DEPDC4: variants seen among roughly 807,000 people sequenced by gnomAD.
The protein encoded by DEPDC4 is DEP domain containing 4, also known as DEP domain-containing protein 4.
In DEPDC4, 52 loss-of-function variants were observed where a neutral mutation model predicts 52.0. The ratio of observed to expected loss-of-function variants is 1.00; its 90% CI spans 0.80 to 1.26. The LOEUF (loss-of-function observed/expected upper bound fraction) is 1.26, where lower values mean the gene tolerates loss of function less well. Ranked by LOEUF, DEPDC4 falls within the 50% of genes most tolerant of loss-of-function variation. DEPDC4 has a pLI of 0.00. For synonymous variants in DEPDC4, 201 were observed against 196.8 expected, an observed-to-expected ratio of 1.02 and a Z score of -0.18; for missense variants, 530 against 546.9, an observed-to-expected ratio of 0.97 and a Z score of 0.31.
chr12:100,273,700 CA>C, the DEPDC4 span, among the ~76,000 whole-genome samples: 7 of 152,164 alleles, frequency 4.6e-5, no homozygotes, highest in Non-Finnish European at 8.8e-5. Context: ...CATATCTTGG[CA>C]CGTGGTATTA....
At chr12:100,267,261 G>T, upstream of DEPDC4, 2 of 622,118 alleles carry the variant, frequency 3.2e-6, no homozygotes, top group Admixed American at 3.1e-5. Context: ...TTGCGGCCGC[G>T]GGGGCGGCGG....
chr12:100,273,322 A>G, the DEPDC4 span, among the ~76,000 whole-genome samples: 1 of 152,248 alleles, frequency 6.6e-6, no homozygotes, highest in Non-Finnish European at 1.5e-5. Context: ...GTTTTTGGGA[A>G]ACATTCTATT....
chr12:100,252,432 T>C lies in DEPDC4; in HGVS notation c.1210A>G (p.Met404Val), dbSNP rs1347169651. The change falls in exon 6 of 10, where the codon ATG (methionine) becomes GTG (valine). Residue 404 changes from methionine to valine, a missense_variant. Transcript: ENST00000550587. The stretch of plus-strand genomic sequence containing the variant: ...TTGTAGGCATTGGGCTCTGATGCCA[T>C]TGCCATAAAAGTAAGTAGCCGTCGT... ...ELRRLLTFMA[M>V]ASEPNAYKLQ... is the part of the protein sequence containing the mutation. The C allele has an allele frequency of 3.1e-6, 5 of 1,598,046 alleles. No homozygotes were observed. Among genetic ancestry groups the C allele is most frequent in the African/African-American group, 2.7e-5 (2 of 74,980 alleles).
chr12:100,259,636 G>A (rs918690563), intron 3 of DEPDC4, among the ~76,000 whole-genome samples: 11 of 152,268 alleles, frequency 7.2e-5, no homozygotes, highest in African/African-American at 2.4e-4. Context: ...TGGGGGCATA[G>A]GGAAGTATTC....
chr12:100,263,696 T>C lies in DEPDC4; in HGVS notation c.355A>G (p.Lys119Glu), dbSNP rs149010319. The C allele has an allele frequency of 6.2e-7, 1 of 1,614,164 alleles. No individual in the cohort carries two copies. The highest frequency in any genetic ancestry group is 2.2e-5 in the East Asian group (1 of 44,868). Residue 119 changes from lysine to glutamate, a missense_variant, in exon 2 of 10, where the codon AAA becomes GAA. Physicochemically the swap from Lys to Glu is moderately conservative, Grantham distance 56. Coordinates refer to ENST00000550587, the MANE Select transcript of DEPDC4 (RefSeq NM_001364818.2). ...AGAACTTGGCAAAGATGAACCCCTT[T>C]AAGACAAGAGATGTCATTGCTACTT... The part of the protein sequence containing the change: ...CLSSNDISCL[K>E]GVHLCQVLMN...
At chr12:100,249,966 G>A (rs1201834950) in intron 7 of DEPDC4, among the ~76,000 whole-genome samples, 1 of 152,142 alleles carries the variant, frequency 6.6e-6, no homozygotes, top group Non-Finnish European at 1.5e-5. Context: ...AGAGAAAGAG[G>A]CCAGAGTGAA....
At chr12:100,255,614 T>C (rs1336478459) in intron 4 of DEPDC4, among the ~76,000 whole-genome samples, 2 of 152,234 alleles carry the variant, frequency 1.3e-5, no homozygotes, top group Non-Finnish European at 2.9e-5. Flanking sequence ...CAGGGTTCCT[T>C]TAATCTCTTA....
At chr12:100,244,249 C>T (rs1468875739) in intron 8 of DEPDC4, among the ~76,000 whole-genome samples, 2 of 150,922 alleles carry the variant, frequency 1.3e-5, no homozygotes, top group African/African-American at 4.9e-5. Flanking sequence ...GGCGCGATCT[C>T]GGCTCACTGC....
chr12:100,252,547 G>T lies in DEPDC4; in HGVS notation c.1106-11C>A. 6.3e-7 allele frequency: 1 copy of T among 1,575,470 alleles called. No individual in the cohort carries two copies. On this transcript the variant is annotated splice_polypyrimidine_tract_variant and intron_variant, in intron 5 of 9. Transcript: ENST00000550587. ...CTCTTTTCTCATTTTCTGTTATATA[G>T]GTTACAAAGAAAACAAAGCATAAGA...
intron 4 of DEPDC4, 59 bp downstream of exon 4, chr12:100,255,990 G>A: frequency 1.5e-6 from 2 of 1,293,470 alleles, no homozygotes; most frequent in South Asian, 2.8e-5. Context: ...AAAATACTAA[G>A]GGCAAATATG....
intron 7 of DEPDC4, among the ~76,000 whole-genome samples, chr12:100,249,567 T>C (rs192120659): frequency 1.1e-3 from 170 of 152,366 alleles, no homozygotes; most frequent in African/African-American, 4.0e-3. Context: ...CCCAGACTAC[T>C]ATATGTATCT....
intron 8 of DEPDC4, among the ~76,000 whole-genome samples, chr12:100,244,209 C>T (rs148004960): frequency 0.013 from 1,887 of 142,954 alleles, 42 homozygotes; most frequent in African/African-American, 0.051. Flanking sequence ...GAGACAGAGT[C>T]TCTCTCTGTC....
intron 8 of DEPDC4, among the ~76,000 whole-genome samples, chr12:100,246,887 G>A (rs774664648): frequency 9.2e-5 from 14 of 152,048 alleles, no homozygotes; most frequent in East Asian, 1.9e-4. Flanking sequence ...GCAGTGAGCC[G>A]AGATGCGCCA....
upstream of DEPDC4, among the ~76,000 whole-genome samples, chr12:100,272,008 C>T (rs943642860): frequency 1.3e-5 from 2 of 152,052 alleles, no homozygotes; most frequent in Non-Finnish European, 2.9e-5. Context: ...CTACTTTCTG[C>T]CAGGTGCACG....
At position 100,242,516 on chromosome 12, in the gene DEPDC4, T is replaced by C. The variant is rs183169709; in HGVS notation, c.*16A>G. ...GTCAACCTTTTGGTACTTTTTCTCA[T>C]TAAATCTCCAGTATCCTAAGCTGTA... On this transcript the variant is annotated 3_prime_UTR_variant, in exon 9 of 10. Coordinates refer to ENST00000550587, the MANE Select transcript of DEPDC4 (RefSeq NM_001364818.2). 34 of 154,866 alleles carry C rather than the reference T, an allele frequency of 2.2e-4. No homozygotes were observed. The Admixed American group carries it at 2.2e-3, about 10-fold the overall frequency. The allele number at this position is 154,866 out of a possible 1,614,324, so 9.6% of individuals were successfully genotyped here. A position where few individuals can be genotyped will look rare whatever the true frequency, so the allele number is the denominator to read the frequency against.
chr12:100,238,120 T>TAA (rs1350607400), downstream of DEPDC4: 91 of 799,872 alleles, frequency 1.1e-4, no homozygotes, highest in African/African-American at 3.1e-4. Flanking sequence ...CTCCCCAACT[T>TAA]AAAAAAAAAA....
chr12:100,261,859 G>C, intron 3 of DEPDC4: 1 of 451,632 alleles, frequency 2.2e-6, no homozygotes, highest in South Asian at 1.6e-5. Context: ...AAAAATATTA[G>C]TGGTTGCCTA....
chr12:100,254,484 C>T (rs1186232340), intron 4 of DEPDC4, among the ~76,000 whole-genome samples: 2 of 151,796 alleles, frequency 1.3e-5, no homozygotes, highest in Non-Finnish European at 2.9e-5. Context: ...CACCATCACG[C>T]CAGGCTAATT....
At chr12:100,232,194 C>A (rs148992311) in intron 9 of DEPDC4, among the ~76,000 whole-genome samples, 2 of 151,714 alleles carry the variant, frequency 1.3e-5, no homozygotes, top group Non-Finnish European at 2.9e-5. Context: ...GAGTTTGAGA[C>A]CAGCCTGGCC....
Sources: gnomAD v4.1 joint callset for allele counts (sites outside exome capture counted in the v4.1 genomes callset) on GRCh38, gnomAD v4.1.1 for gene constraint, MANE v1.5 for transcripts, NCBI Gene and HGNC (gene_info 2026-07-23, HGNC 2026-07-21) for gene names.